The following DGKD variants were observed in gnomAD, a reference collection of about 807,000 sequenced individuals.
DGKD encodes diacylglycerol kinase delta.
DGKD carries 68 observed loss-of-function variants against 154.4 expected under a neutral mutation model. The observed-to-expected ratio is 0.44, with a 90% confidence interval of 0.36 to 0.54. The LOEUF (loss-of-function observed/expected upper bound fraction) is 0.54, where lower values mean the gene tolerates loss of function less well. Ranked by LOEUF, DGKD falls within the 20% of genes least tolerant of loss-of-function variation. The probability of loss-of-function intolerance (pLI) is 0.00; values close to 1 mark genes in which losing one functional copy is unlikely to be tolerated. For missense variants in DGKD, 1,343 were observed against 1,593.6 expected, an observed-to-expected ratio of 0.84 and a Z score of 2.68; for synonymous variants, 693 against 638.0, an observed-to-expected ratio of 1.09 and a Z score of -1.30.
intron 3 of DGKD, among the ~76,000 whole-genome samples, chr2:233,398,459 T>C (rs1017756313): frequency 6.6e-6 from 1 of 152,010 alleles, no homozygotes; most frequent in African/African-American, 2.4e-5. Flanking sequence ...GGTAAAATAT[T>C]TTTTAAAAGT....
chr2:233,463,824 G>T (rs368136143), intron 26 of DGKD: 16 of 309,138 alleles, frequency 5.2e-5, no homozygotes, highest in African/African-American at 3.1e-4. Flanking sequence ...TGCAAGGTTC[G>T]ACTGCTGACT....
At chr2:233,370,564 C>CTACTTT (rs1260858453) in intron 1 of DGKD, among the ~76,000 whole-genome samples, 1 of 114,816 alleles carries the variant, frequency 8.7e-6, no homozygotes, top group African/African-American at 3.9e-5. Flanking sequence ...CGTTTCAGAA[C>CTACTTT]TTCTTCTTTT....
In DGKD at chr2:233,460,207, C is replaced by T; in HGVS notation, c.2843C>T (p.Thr948Ile). 2 of 1,613,856 alleles carry T rather than the reference C, an allele frequency of 1.2e-6. No individual in the cohort carries two copies. The highest frequency in any genetic ancestry group is 2.2e-5 in the South Asian group (2 of 91,078). ...TLTRDRAFES[T>I]LKSWEDKQKC... Reference sequence around the variant, plus strand: ...TCGGGTCCATAGGCATTTGAGAGCACCCTGAAGTCCTGGGAAGACAAGCAG... The same window carrying T: ...TCGGGTCCATAGGCATTTGAGAGCATCCTGAAGTCCTGGGAAGACAAGCAG... The change falls in exon 24 of 30, where the codon ACC becomes ATC. Residue 948 changes from threonine to isoleucine, a missense_variant. Coordinates refer to ENST00000264057, the MANE Select transcript of DGKD (RefSeq NM_152879.3).
intron 1 of DGKD, among the ~76,000 whole-genome samples, chr2:233,362,374 G>C (rs1701825719): frequency 6.6e-6 from 1 of 152,214 alleles, no homozygotes; most frequent in Non-Finnish European, 1.5e-5. Flanking sequence ...AATGTGGCCA[G>C]GTGCAGTGAC....
chr2:233,465,344 C>G (rs997934507), intron 27 of DGKD, among the ~76,000 whole-genome samples: 1 of 152,172 alleles, frequency 6.6e-6, no homozygotes, highest in Non-Finnish European at 1.5e-5. Context: ...AGGTGAGAGG[C>G]TGGGAAGAGG....
In DGKD at chr2:233,437,068, G is replaced by A. The variant is rs113401849; in HGVS notation, c.820-309G>A. ...CATGGCCCCAGGAGCCCTCACCCTC[G>A]TCCTGAAAGTTTGAGGTAGCTGTGG... On this transcript the variant is annotated intron_variant, in intron 7 of 29. Coordinates refer to ENST00000264057, the MANE Select transcript of DGKD (RefSeq NM_152879.3). Among the ~76,000 whole-genome samples, 905 of 152,340 alleles carry A rather than the reference G, an allele frequency of 5.9e-3. 10 individuals carry two copies. Among genetic ancestry groups the A allele is most frequent in the African/African-American group, 0.019 (801 of 41,576 alleles).
At chr2:233,371,743 T>C (rs1415370347) in intron 1 of DGKD, among the ~76,000 whole-genome samples, 2 of 152,240 alleles carry the variant, frequency 1.3e-5, no homozygotes, top group African/African-American at 4.8e-5. Context: ...AACTTCATTC[T>C]TCCTGTGTGG....
intron 1 of DGKD, among the ~76,000 whole-genome samples, chr2:233,370,553 A>G (rs980249032): frequency 6.9e-6 from 1 of 144,106 alleles, no homozygotes; most frequent in Non-Finnish European, 1.5e-5. Flanking sequence ...TTTACGTTGT[A>G]CGTTTCAGAA....
At chr2:233,451,771 A>G (rs1053067459) in intron 17 of DGKD, among the ~76,000 whole-genome samples, 193 bp from the exon 18 acceptor site, 2 of 152,140 alleles carry the variant, frequency 1.3e-5, no homozygotes, top group Admixed American at 6.5e-5. Context: ...GCCACCCAGT[A>G]TGGTTTCTTT....
rs1451959376 is a variant in DGKD, at chr2:233,448,300, C to T, written c.1539C>T (p.Asp513=). 1 of 1,614,128 alleles carries T rather than the reference C, an allele frequency of 6.2e-7. No homozygotes were observed. The highest frequency in any genetic ancestry group is 1.7e-5 in the Admixed American group (1 of 60,020). ...SAKVLCETVK[D]FVARVGKAYE... is the part of the protein sequence containing the mutation. ...GAGTGCTCTGTGAGACGGTGAAGGACTTCGTGGCACGGGTGGGGAAGGCCT... is the reference window on the plus strand; with the variant it reads ...GAGTGCTCTGTGAGACGGTGAAGGATTTCGTGGCACGGGTGGGGAAGGCCT... Residue 513 remains aspartate, a synonymous_variant, in exon 14 of 30, where the codon GAC becomes GAT. Transcript: ENST00000264057.
At chr2:233,382,105 G>C (rs112047749) in intron 1 of DGKD, among the ~76,000 whole-genome samples, 1 of 151,960 alleles carries the variant, frequency 6.6e-6, no homozygotes, top group Non-Finnish European at 1.5e-5. Context: ...CATGTAGTGC[G>C]CGCCTGTAAT....
chr2:233,395,086 A>G (rs1458941114), intron 3 of DGKD, among the ~76,000 whole-genome samples: 1 of 152,160 alleles, frequency 6.6e-6, no homozygotes, highest in Non-Finnish European at 1.5e-5. Context: ...ATTGTGCTTC[A>G]GCCATTTTCT....
Position 233,449,911 on chromosome 2 carries a change from C to T in DGKD, c.1889-71C>T, listed in dbSNP as rs1027246373. On this transcript the variant is annotated intron_variant, in intron 15 of 29. Transcript: ENST00000264057. The surrounding 1 kb of genome is among the most constrained non-coding windows in gnomAD (Gnocchi z 5.3). Reference sequence around the variant, plus strand: ...AGGCCGTGGGGTGAGGATGAGGGGCCCTCCACCCAGCCTGACAGCGCCCTT... The same window carrying T: ...AGGCCGTGGGGTGAGGATGAGGGGCTCTCCACCCAGCCTGACAGCGCCCTT... 27 of 1,498,074 alleles carry T rather than the reference C, an allele frequency of 1.8e-5. No homozygotes were observed. The African/African-American group carries it at 3.4e-4, about 19-fold the overall frequency. The allele number at this position is 1,498,074 out of a possible 1,614,324, so 92.8% of individuals were successfully genotyped here.
rs760314847 is a variant in DGKD, at chr2:233,434,475, G to A, written c.444G>A (p.Glu148=). 4 of 1,613,816 alleles carry A rather than the reference G, an allele frequency of 2.5e-6. No homozygotes were observed. In the East Asian group the frequency reaches 8.9e-5, roughly 36 times the overall value. Residue 148 remains glutamate (E), a synonymous_variant, in exon 4 of 30, where the codon GAG becomes GAA. Coordinates refer to ENST00000264057, the MANE Select transcript of DGKD (RefSeq NM_152879.3). ...CATTAAAGACTGTGCAGAACAGGGA[G>A]CACTTTGAGGTTAAAAAAGAAAATA... ...IAALKTVQNR[E]HFEPTQYSMD...
rs149646492 is a variant in DGKD, at chr2:233,444,479, G to T, written c.1195-1144G>T. 5.4e-3 allele frequency among the ~76,000 whole-genome samples: 817 copies of T among 151,530 alleles called. 5 individuals carry two copies. The highest frequency in any genetic ancestry group is 0.018 in the African/African-American group (756 of 41,208). On this transcript the variant is annotated intron_variant, in intron 10 of 29. Transcript: ENST00000264057. The stretch of plus-strand genomic sequence containing the variant: ...CTGCCTGTCTGCCTCCTGTTTCCTC[G>T]CTGTCCTCCTCTTCACTGAGCTCTG...
intron 25 of DGKD, 24 bp downstream of exon 25, chr2:233,462,483 C>A (rs372719727): frequency 6.3e-7 from 1 of 1,581,980 alleles, no homozygotes; most frequent in Non-Finnish European, 8.6e-7. Context: ...CCTTTTCAGT[C>A]CTGGCTTCTT....
chr2:233,421,489 C>CTTA (rs1300748781), intron 3 of DGKD, among the ~76,000 whole-genome samples: 1 of 152,228 alleles, frequency 6.6e-6, no homozygotes, highest in African/African-American at 2.4e-5. Context: ...TGCATGGCTT[C>CTTA]TTATTTTACG....
intron 3 of DGKD, among the ~76,000 whole-genome samples, chr2:233,426,627 G>A (rs1401516600): frequency 6.6e-6 from 1 of 152,104 alleles, no homozygotes; most frequent in African/African-American, 2.4e-5. Flanking sequence ...TTACATTATT[G>A]CTTGTCTCCC....
intron 1 of DGKD, among the ~76,000 whole-genome samples, chr2:233,366,218 T>C (rs1445751321): frequency 6.6e-6 from 1 of 152,182 alleles, no homozygotes; most frequent in Non-Finnish European, 1.5e-5. Flanking sequence ...ACTATTGCTT[T>C]AAGATTTTAG....
Sources: allele counts gnomAD v4.1 joint callset (sites outside exome capture counted in the v4.1 genomes callset), GRCh38; gene constraint gnomAD v4.1.1; non-coding constraint Gnocchi (gnomAD v3.1); transcripts MANE v1.5; gene names NCBI Gene and HGNC (gene_info 2026-07-23, HGNC 2026-07-21).